The following IL23R variants were observed in gnomAD, a reference collection of about 807,000 sequenced individuals.
IL23R encodes the protein interleukin-23 receptor.
In IL23R, 34 loss-of-function variants were observed where a neutral mutation model predicts 56.9. The observed-to-expected ratio is 0.60, with a 90% CI of 0.45 to 0.80. IL23R has a LOEUF of 0.80. IL23R is among the 30% of genes least tolerant of loss of function. The pLI is 0.00. For synonymous variants in IL23R, 230 were observed against 249.2 expected (o/e 0.92, Z 0.73); for missense variants, 635 against 730.0 (o/e 0.87, Z 1.50).
At chr1:67,249,184 G>T (rs1652456481) in intron 9 of IL23R, among the ~76,000 whole-genome samples, 1 of 152,140 alleles carries the variant, frequency 6.6e-6, no homozygotes, top group South Asian at 2.1e-4. Context: ...TATTTTCTTG[G>T]TATTTAATTA....
chr1:67,246,446 T>G (rs1334681406), intron 9 of IL23R, among the ~76,000 whole-genome samples: 1 of 152,268 alleles, frequency 6.6e-6, no homozygotes, highest in Non-Finnish European at 1.5e-5. Context: ...GATGTGGGCA[T>G]TTAGTGCTAT....
At chr1:67,234,077 TTTTCTCCTTTTAA>T in intron 7 of IL23R, among the ~76,000 whole-genome samples, 1 of 152,144 alleles carries the variant, frequency 6.6e-6, no homozygotes, top group Non-Finnish European at 1.5e-5. Flanking sequence ...ATGGTTCTTT[TTTTCTCCTTTTAA>T]TTTCTCCTGT....
At chr1:67,241,739 C>T (rs550129712) in intron 9 of IL23R, among the ~76,000 whole-genome samples, 3 of 152,242 alleles carry the variant, frequency 2.0e-5, no homozygotes, top group Admixed American at 2.0e-4. Context: ...TACAGCATAC[C>T]AGGGAGATTA....
chr1:67,211,035 T>TAAAA (rs1354055177), intron 6 of IL23R, among the ~76,000 whole-genome samples: 1 of 152,176 alleles, frequency 6.6e-6, no homozygotes, highest in Non-Finnish European at 1.5e-5. Flanking sequence ...AATTACTCAT[T>TAAAA]AAAAGTAAAT....
chr1:67,200,040 G>A (rs1157763319), intron 4 of IL23R, among the ~76,000 whole-genome samples: 1 of 151,936 alleles, frequency 6.6e-6, no homozygotes, highest in East Asian at 1.9e-4. Flanking sequence ...TTAATTTTTT[G>A]TTTTTGTTTT....
At chr1:67,243,646 T>C (rs1652003818) in intron 9 of IL23R, among the ~76,000 whole-genome samples, 1 of 152,198 alleles carries the variant, frequency 6.6e-6, no homozygotes, top group African/African-American at 2.4e-5. Context: ...AACTCATCCT[T>C]TTTTATGGCT....
intron 1 of IL23R, among the ~76,000 whole-genome samples, chr1:67,152,177 T>C (rs1646734265): frequency 6.6e-6 from 1 of 152,158 alleles, no homozygotes; most frequent in African/African-American, 2.4e-5. Context: ...AGGTCCTTCA[T>C]GTCCCTTGTA....
rs186915220 is a variant in IL23R at position 67,230,413 on chromosome 1, A to G, written c.956-6300A>G. ...TGTACTTCTGAGGAATCTGTTGGCC[A>G]CTGTGTAGACTTGGAAGCTGTCCAT... On this transcript the variant is annotated intron_variant, in intron 7 of 10. Transcript: ENST00000347310. Among the ~76,000 whole-genome samples, 33 of 152,350 alleles carry G rather than the reference A, an allele frequency of 2.2e-4. 1 individual carries two copies. The East Asian group carries it at 6.2e-3, about 28-fold the overall frequency.
intron 9 of IL23R, among the ~76,000 whole-genome samples, chr1:67,243,458 C>G (rs2180294): frequency 0.28 from 43,109 of 151,740 alleles, 7,273 homozygotes; most frequent in East Asian, 0.72. Flanking sequence ...ATCCCTCCCC[C>G]AGCCTCCTAC....
At chr1:67,227,137 G>A (rs551606608) in intron 7 of IL23R, among the ~76,000 whole-genome samples, 1 of 152,312 alleles carries the variant, frequency 6.6e-6, no homozygotes, top group South Asian at 2.1e-4. Flanking sequence ...CCCCAAAGGG[G>A]AAAAGACAAT....
chr1:67,248,081 G>C (rs1558264496), intron 9 of IL23R, among the ~76,000 whole-genome samples: 1 of 152,006 alleles, frequency 6.6e-6, no homozygotes, highest in Non-Finnish European at 1.5e-5. Flanking sequence ...TGTATCTGAT[G>C]AGTTGTGTCT....
At chr1:67,198,670 C>T (rs193009457) in intron 4 of IL23R, among the ~76,000 whole-genome samples, 63 of 152,220 alleles carry the variant, frequency 4.1e-4, no homozygotes, top group African/African-American at 1.5e-3. Context: ...ATGGGTTGGG[C>T]GAGGTGGCTC....
chr1:67,214,310 C>G (rs1436847946), intron 6 of IL23R, among the ~76,000 whole-genome samples: 4 of 152,134 alleles, frequency 2.6e-5, no homozygotes, highest in Non-Finnish European at 5.9e-5. Flanking sequence ...TTTATGTGGT[C>G]TTTAAAGTGA....
At chr1:67,238,206 G>T (rs1651608681) in intron 8 of IL23R, among the ~76,000 whole-genome samples, 1 of 151,922 alleles carries the variant, frequency 6.6e-6, no homozygotes, top group Non-Finnish European at 1.5e-5. Flanking sequence ...AAATTAGATG[G>T]GTGTGGTGTC....
chr1:67,204,344 A>C (rs1046045611), intron 5 of IL23R, among the ~76,000 whole-genome samples: 6 of 152,192 alleles, frequency 3.9e-5, no homozygotes, highest in Non-Finnish European at 5.9e-5. Context: ...AAAATGTAAG[A>C]TCTGGTGGAA....
intron 4 of IL23R, among the ~76,000 whole-genome samples, chr1:67,185,238 A>G (rs1037664146): frequency 6.6e-6 from 1 of 152,180 alleles, no homozygotes; most frequent in African/African-American, 2.4e-5. Flanking sequence ...CCAGGACCAC[A>G]CAGCTGCAGA....
chr1:67,251,451 C>CAAA lies in IL23R; in HGVS notation c.1149-4373_1149-4371dup, dbSNP rs34047151. 9.3e-4 allele frequency among the ~76,000 whole-genome samples: 119 copies of CAAA among 127,782 alleles called. 1 individual carries two copies. Among genetic ancestry groups the CAAA allele is most frequent in the African/African-American group, 2.5e-3 (88 of 34,890 alleles). The allele number at this position is 127,782 out of a possible 152,430, so 83.8% of individuals were successfully genotyped here. A position where few individuals can be genotyped will look rare whatever the true frequency, so the allele number is the denominator to read the frequency against. On this transcript the variant is annotated intron_variant, in intron 9 of 10. Transcript: ENST00000347310. ...TGGGTGACAGAGCGAGACTCTGTCTCAAAAAAAAAAAAAAAGGAAAAGACA... is the reference window on the plus strand; with the variant it reads ...TGGGTGACAGAGCGAGACTCTGTCTCAAAAAAAAAAAAAAAAAAGGAAAAGACA...
Position 67,213,214 on chromosome 1 carries a change from T to C in IL23R, c.798+6159T>C, listed in dbSNP as rs116321553. ...TCTTCTCTGTGCCTCGTTATTCCCATACATAACATGGGGATAAGATAAGCC... is the reference window on the plus strand; with the variant it reads ...TCTTCTCTGTGCCTCGTTATTCCCACACATAACATGGGGATAAGATAAGCC... On this transcript the variant is annotated intron_variant, in intron 6 of 10. Transcript: ENST00000347310. Among the ~76,000 whole-genome samples the C allele has an allele frequency of 2.4e-3, 366 of 152,286 alleles. 2 individuals carry two copies. The highest frequency in any genetic ancestry group is 8.3e-3 in the African/African-American group (347 of 41,572).
chr1:67,215,849 C>T (rs1470640208), intron 6 of IL23R, among the ~76,000 whole-genome samples: 3 of 152,164 alleles, frequency 2.0e-5, no homozygotes, highest in African/African-American at 7.2e-5. Context: ...ATGTGTTAGT[C>T]TTCTATCAAT....
Sources: allele counts gnomAD v4.1 joint callset (sites outside exome capture counted in the v4.1 genomes callset), GRCh38; gene constraint gnomAD v4.1.1; transcripts MANE v1.5; gene names NCBI Gene and HGNC (gene_info 2026-07-23, HGNC 2026-07-21).